The following CTNNA3 variants were observed in gnomAD, a reference collection of about 807,000 sequenced individuals.
CTNNA3 encodes the protein catenin alpha 3, also known as catenin alpha-3.
In CTNNA3, 76 loss-of-function variants were observed where a neutral mutation model predicts 95.7. The observed-to-expected ratio is 0.79, with a 90% confidence interval of 0.66 to 0.96. The LOEUF is 0.96. Among genes scored for constraint, CTNNA3 ranks in the 40% least tolerant of loss-of-function variants. The pLI, the probability that CTNNA3 is intolerant of heterozygous loss-of-function variation, is 0.00. For missense variants in CTNNA3, 1,191 were observed against 1,089.8 expected, an observed-to-expected ratio of 1.09 and a Z score of -1.31; for synonymous variants, 431 against 374.4, an observed-to-expected ratio of 1.15 and a Z score of -1.74.
At chr10:67,396,672 G>A (rs568204637) in intron 5 of CTNNA3, among the ~76,000 whole-genome samples, 130 of 152,240 alleles carry the variant, frequency 8.5e-4, no homozygotes, top group African/African-American at 3.1e-3. Context: ...TCATAAAAAA[G>A]AGAAAATATA....
chr10:66,574,893 T>C (rs1490318125), intron 10 of CTNNA3, among the ~76,000 whole-genome samples: 1 of 152,142 alleles, frequency 6.6e-6, no homozygotes, highest in Non-Finnish European at 1.5e-5. Context: ...ATTCTTTTAA[T>C]GTTGGCCATC....
intron 1 of CTNNA3, among the ~76,000 whole-genome samples, chr10:67,734,720 AGT>A (rs772204106): frequency 6.6e-6 from 1 of 152,184 alleles, no homozygotes; most frequent in Non-Finnish European, 1.5e-5. Context: ...TCCTTTTAAA[AGT>A]ACATACTTTG....
intron 9 of CTNNA3, among the ~76,000 whole-genome samples, chr10:66,646,337 A>G (rs1845706683): frequency 6.6e-6 from 1 of 152,170 alleles, no homozygotes; most frequent in South Asian, 2.1e-4. Context: ...AAAAAATGAG[A>G]TTATAGCACA....
rs114216757 is a variant in CTNNA3, at chr10:67,260,176, A to T, written c.580-40306T>A. Among the ~76,000 whole-genome samples, 1,021 of 152,318 alleles carry T rather than the reference A, an allele frequency of 6.7e-3. 14 individuals carry two copies. Among genetic ancestry groups the T allele is most frequent in the African/African-American group, 0.023 (938 of 41,564 alleles). On this transcript the variant is annotated intron_variant, in intron 5 of 17. Coordinates refer to ENST00000433211, the MANE Select transcript of CTNNA3 (RefSeq NM_013266.4). ...CATCATCTGGAGGGAGTGGGACCACAGAGGTTAGGTGTTTCTCATTCAGCA... is the reference window on the plus strand; with the variant it reads ...CATCATCTGGAGGGAGTGGGACCACTGAGGTTAGGTGTTTCTCATTCAGCA...
At chr10:66,468,150 G>A (rs1686419279) in intron 11 of CTNNA3, among the ~76,000 whole-genome samples, 1 of 152,000 alleles carries the variant, frequency 6.6e-6, no homozygotes, top group African/African-American at 2.4e-5. Flanking sequence ...GAAGGAGCAT[G>A]TTTAGGTCAC....
At chr10:66,465,225 TG>T (rs1198682809) in intron 11 of CTNNA3, among the ~76,000 whole-genome samples, 1 of 151,208 alleles carries the variant, frequency 6.6e-6, no homozygotes, top group Non-Finnish European at 1.5e-5. Context: ...TAACAGTGAC[TG>T]ATCACCAAAC....
At chr10:66,035,404 T>A (rs1273579978) in intron 15 of CTNNA3, among the ~76,000 whole-genome samples, 1 of 152,096 alleles carries the variant, frequency 6.6e-6, no homozygotes, top group Non-Finnish European at 1.5e-5. Context: ...AAACAAAAGT[T>A]AACAGTATTA....
At chr10:67,385,889 G>C (rs1176062183) in intron 5 of CTNNA3, among the ~76,000 whole-genome samples, 1 of 151,090 alleles carries the variant, frequency 6.6e-6, no homozygotes, top group African/African-American at 2.4e-5. Flanking sequence ...AAGTTTCACA[G>C]TCATGCAAGT....
In CTNNA3 at chr10:67,286,167, C is replaced by T. The variant is rs533485642; in HGVS notation, c.580-66297G>A. Among the ~76,000 whole-genome samples, 22 of 152,304 alleles carry T rather than the reference C, an allele frequency of 1.4e-4. No homozygotes were observed. The South Asian group carries it at 4.4e-3, about 30-fold the overall frequency. The stretch of plus-strand genomic sequence containing the variant: ...GGTAGTAAATGAAGACATCTGCCTT[C>T]TCCTAGAGACTTAGCTCTCCAAGTC... On this transcript the variant is annotated intron_variant, in intron 5 of 17. Coordinates refer to ENST00000433211, the MANE Select transcript of CTNNA3 (RefSeq NM_013266.4).
At chr10:66,944,108 T>C (rs1195659402) in intron 7 of CTNNA3, among the ~76,000 whole-genome samples, 2 of 152,226 alleles carry the variant, frequency 1.3e-5, no homozygotes, top group Non-Finnish European at 2.9e-5. Flanking sequence ...CTATAGCATA[T>C]GGTGTTGATT....
intron 10 of CTNNA3, among the ~76,000 whole-genome samples, chr10:66,532,518 A>G (rs1355944363): frequency 1.3e-5 from 2 of 151,910 alleles, no homozygotes; most frequent in Non-Finnish European, 2.9e-5. Context: ...TTGGGATTAG[A>G]CATATTCTTT....
At chr10:67,148,055 G>T (rs1005075159) in intron 7 of CTNNA3, among the ~76,000 whole-genome samples, 8 of 152,108 alleles carry the variant, frequency 5.3e-5, no homozygotes, top group African/African-American at 1.9e-4. Context: ...GATGGGAAGA[G>T]AAATGGAAAG....
intron 1 of CTNNA3, among the ~76,000 whole-genome samples, chr10:67,749,487 T>G (rs946456065): frequency 2.0e-5 from 3 of 152,094 alleles, no homozygotes; most frequent in Non-Finnish European, 4.4e-5. Context: ...GCAATCAAAT[T>G]AGAACCCAAG....
intron 12 of CTNNA3, among the ~76,000 whole-genome samples, chr10:66,368,547 G>C (rs1208633641): frequency 6.6e-6 from 1 of 151,794 alleles, no homozygotes; most frequent in Non-Finnish European, 1.5e-5. Flanking sequence ...GTTTACTCTT[G>C]TGTTAGCTTT....
intron 11 of CTNNA3, among the ~76,000 whole-genome samples, chr10:66,451,894 T>G (rs185325399): frequency 1.3e-5 from 2 of 152,212 alleles, no homozygotes; most frequent in Non-Finnish European, 2.9e-5. Flanking sequence ...ATGTTATCTA[T>G]AAGCATGGTC....
intron 11 of CTNNA3, among the ~76,000 whole-genome samples, chr10:66,468,743 A>G (rs1007473793): frequency 6.6e-6 from 1 of 151,930 alleles, no homozygotes; most frequent in African/African-American, 2.4e-5. Context: ...AATATAAAAA[A>G]TATTTGCCAA....
chr10:67,726,401 A>C (rs536161958), intron 1 of CTNNA3, among the ~76,000 whole-genome samples: 24 of 39,744 alleles, frequency 6.0e-4, no homozygotes, highest in Admixed American at 2.5e-3. Context: ...TATATTATAT[A>C]TTATATCATA....
At chr10:66,151,072 G>A (rs1178229584) in intron 13 of CTNNA3, among the ~76,000 whole-genome samples, 1 of 151,900 alleles carries the variant, frequency 6.6e-6, no homozygotes, top group Non-Finnish European at 1.5e-5. Flanking sequence ...TTCATCACTT[G>A]AGCAAATATG....
chr10:67,365,784 T>C (rs1473057658), intron 5 of CTNNA3, among the ~76,000 whole-genome samples: 2 of 152,188 alleles, frequency 1.3e-5, no homozygotes, highest in African/African-American at 2.4e-5. Context: ...GATGGGAGTG[T>C]AAATTAGTTC....
Sources: gnomAD v4.1 joint callset for allele counts (sites outside exome capture counted in the v4.1 genomes callset) on GRCh38, gnomAD v4.1.1 for gene constraint, MANE v1.5 for transcripts, NCBI Gene and HGNC (gene_info 2026-07-23, HGNC 2026-07-21) for gene names.